The following TMEM232 variants were observed in gnomAD, a reference collection of about 807,000 sequenced individuals.
The protein encoded by TMEM232 is transmembrane protein 232.
In TMEM232, 80 loss-of-function variants were observed where a neutral mutation model predicts 78.8. The ratio of observed to expected loss-of-function variants is 1.01; its 90% CI spans 0.85 to 1.22. The LOEUF is 1.22. Ranked by LOEUF, TMEM232 falls within the 50% of genes most tolerant of loss-of-function variation. TMEM232 has a pLI of 0.00. For missense variants in TMEM232, 881 were observed against 742.2 expected (o/e 1.19, Z -2.17); for synonymous variants, 297 against 254.3 (o/e 1.17, Z -1.60).
At chr5:110,542,419 G>T (rs181718551) in intron 11 of TMEM232, among the ~76,000 whole-genome samples, 5 of 152,114 alleles carry the variant, frequency 3.3e-5, no homozygotes, top group Non-Finnish European at 2.9e-5. Flanking sequence ...CTCTCACCTA[G>T]AGACCATCAA....
chr5:110,560,643 T>C (rs1451363482), intron 11 of TMEM232, among the ~76,000 whole-genome samples: 1 of 152,104 alleles, frequency 6.6e-6, no homozygotes, highest in Non-Finnish European at 1.5e-5. Flanking sequence ...GAGCTGACAA[T>C]TCACTAAAGG....
chr5:110,606,664 G>C (rs115867362), intron 8 of TMEM232, among the ~76,000 whole-genome samples: 4,449 of 151,812 alleles, frequency 0.029, 171 homozygotes, highest in African/African-American at 0.09. Context: ...AATTTCAAGA[G>C]AGTGTTTTCT....
At chr5:110,662,447 A>G (rs1789934560) in intron 2 of TMEM232, among the ~76,000 whole-genome samples, 1 of 152,192 alleles carries the variant, frequency 6.6e-6, no homozygotes, top group African/African-American at 2.4e-5. Flanking sequence ...ATTGATCTAT[A>G]GATTCTTCAA....
At chr5:110,566,186 T>G (rs1051545610) in intron 11 of TMEM232, among the ~76,000 whole-genome samples, 4 of 151,928 alleles carry the variant, frequency 2.6e-5, no homozygotes, top group African/African-American at 4.8e-5. Context: ...CTTTTATTTT[T>G]CTAAATGTAC....
chr5:110,632,927 T>C (rs1048897414), intron 5 of TMEM232, among the ~76,000 whole-genome samples: 3 of 152,118 alleles, frequency 2.0e-5, no homozygotes, highest in African/African-American at 4.8e-5. Flanking sequence ...TACTTTTCCA[T>C]GGTACATTAC....
At chr5:110,736,258 C>T (rs1799150874) in intron 1 of TMEM232, among the ~76,000 whole-genome samples, 1 of 152,092 alleles carries the variant, frequency 6.6e-6, no homozygotes, top group Non-Finnish European at 1.5e-5. Context: ...TTTCATAGTG[C>T]TCTAGAGACT....
At chr5:110,482,559 C>T (rs1039183937) in intron 12 of TMEM232, among the ~76,000 whole-genome samples, 1 of 148,510 alleles carries the variant, frequency 6.7e-6, no homozygotes, top group South Asian at 2.1e-4. Flanking sequence ...CCAGCCTGGG[C>T]GACAAGAGTG....
At chr5:110,676,892 G>A (rs1442352409) in intron 1 of TMEM232, among the ~76,000 whole-genome samples, 1 of 151,638 alleles carries the variant, frequency 6.6e-6, no homozygotes, top group Non-Finnish European at 1.5e-5. Flanking sequence ...CCTAGTAGCT[G>A]GGATTACAGG....
intron 12 of TMEM232, among the ~76,000 whole-genome samples, chr5:110,488,710 A>T (rs1363715540): frequency 6.6e-6 from 1 of 152,030 alleles, no homozygotes; most frequent in East Asian, 1.9e-4. Flanking sequence ...AAATAAGCTT[A>T]GAGTGGAGAT....
chr5:110,693,644 C>T (rs1794408693), intron 1 of TMEM232, among the ~76,000 whole-genome samples: 1 of 152,156 alleles, frequency 6.6e-6, no homozygotes, highest in African/African-American at 2.4e-5. Flanking sequence ...GGCACAACAA[C>T]TACGTGACGA....
intron 13 of TMEM232, among the ~76,000 whole-genome samples, chr5:110,424,552 T>C (rs755269220): frequency 1.2e-4 from 18 of 152,176 alleles, no homozygotes; most frequent in Non-Finnish European, 2.4e-4. Flanking sequence ...GTGTTCAATA[T>C]AAGATTCTTG....
intron 12 of TMEM232, among the ~76,000 whole-genome samples, chr5:110,432,013 C>G (rs1580653748): frequency 1.3e-5 from 2 of 151,760 alleles, no homozygotes; most frequent in East Asian, 3.9e-4. Context: ...TATTTAAAAA[C>G]TTTAAATACT....
At chr5:110,467,373 G>A (rs749187432) in intron 12 of TMEM232, among the ~76,000 whole-genome samples, 1 of 152,172 alleles carries the variant, frequency 6.6e-6, no homozygotes, top group Non-Finnish European at 1.5e-5. Context: ...AGAGATGGTG[G>A]TGTTCTAAGG....
Position 110,391,889 on chromosome 5 carries a change from G to A in TMEM232, n.391-1249C>T, listed in dbSNP as rs116236034. ...GGGGTAGAGTAATAAATCAAATAGC[G>A]AGGTGCTTAGTGAATAGATAAGAAA... is the stretch of plus-strand genomic sequence containing the variant. On this transcript the variant is annotated intron_variant and non_coding_transcript_variant, in intron 3 of 8. Coordinates refer to the TMEM232 transcript ENST00000507188. Among the ~76,000 whole-genome samples, 1,217 of 152,240 alleles carry A rather than the reference G, an allele frequency of 8.0e-3. 19 individuals carry two copies. Among genetic ancestry groups the A allele is most frequent in the African/African-American group, 0.028 (1,154 of 41,520 alleles).
At chr5:110,714,621 C>T (rs531834580) in intron 1 of TMEM232, among the ~76,000 whole-genome samples, 3 of 152,250 alleles carry the variant, frequency 2.0e-5, no homozygotes, top group Non-Finnish European at 2.9e-5. Context: ...AATACACACA[C>T]ACACACAAAC....
At chr5:110,647,659 T>A (rs1005454347) in intron 2 of TMEM232, among the ~76,000 whole-genome samples, 1 of 151,948 alleles carries the variant, frequency 6.6e-6, no homozygotes, top group Admixed American at 6.6e-5. Flanking sequence ...AGCAGTCAGC[T>A]CCTAAAGTTC....
chr5:110,580,660 CA>C (rs1359716154), intron 10 of TMEM232, among the ~76,000 whole-genome samples: 1 of 151,492 alleles, frequency 6.6e-6, no homozygotes, highest in Non-Finnish European at 1.5e-5. Context: ...AATGAAGAAA[CA>C]GCCAACTTGC....
At chr5:110,531,514 A>C (rs1771480262) in intron 11 of TMEM232, among the ~76,000 whole-genome samples, 1 of 151,874 alleles carries the variant, frequency 6.6e-6, no homozygotes, top group South Asian at 2.1e-4. Flanking sequence ...AACCTCTCTC[A>C]CTATCCCTCA....
intron 1 of TMEM232, among the ~76,000 whole-genome samples, chr5:110,680,168 G>T (rs752603033): frequency 6.6e-6 from 1 of 151,994 alleles, no homozygotes; most frequent in Non-Finnish European, 1.5e-5. Context: ...GGAGGCTGAG[G>T]CAGGAGGATC....
Sources: allele counts gnomAD v4.1 joint callset (sites outside exome capture counted in the v4.1 genomes callset), GRCh38; gene constraint gnomAD v4.1.1; transcripts MANE v1.5; gene names NCBI Gene and HGNC (gene_info 2026-07-23, HGNC 2026-07-21).